The following MSL2 variants were observed in gnomAD, a reference collection of about 807,000 sequenced individuals.
MSL2 encodes the protein MSL complex subunit 2.
Under a neutral mutation model 35.8 loss-of-function variants are expected in MSL2, and 2 were observed. That is an observed-to-expected ratio of 0.06 (90% CI 0.02 to 0.18). The LOEUF is 0.18. MSL2 is among the 10% of genes least tolerant of loss of function. MSL2 has a pLI of 1.00. For synonymous variants in MSL2, 296 were observed against 255.7 expected (o/e 1.16, Z -1.50); for missense variants, 523 against 706.7 (o/e 0.74, Z 2.95).
At chr3:136,162,718 AC>A (rs1356666008) in intron 1 of MSL2, among the ~76,000 whole-genome samples, 3 of 152,234 alleles carry the variant, frequency 2.0e-5, no homozygotes, top group Non-Finnish European at 4.4e-5. Flanking sequence ...GTGTAACAAA[AC>A]CAAAATGTTA....
At chr3:136,187,095 G>C (rs1940547054) in intron 1 of MSL2, among the ~76,000 whole-genome samples, 1 of 152,132 alleles carries the variant, frequency 6.6e-6, no homozygotes, top group Non-Finnish European at 1.5e-5. Context: ...AGATACGGAG[G>C]ATTAGCTGTA....
chr3:136,163,413 CAAAG>C lies in MSL2; in HGVS notation c.143-10679_143-10676del, dbSNP rs573470968. Among the ~76,000 whole-genome samples the C allele has an allele frequency of 1.4e-3, 214 of 152,242 alleles. 3 individuals carry two copies. Among genetic ancestry groups the C allele is most frequent in the African/African-American group, 4.5e-3 (187 of 41,530 alleles). ...ACTATCCACTGAAGAGGCCTGGAAACAAAGAACCCCAGCAGCAATGAATACAGAT... is the reference window on the plus strand; with the variant it reads ...ACTATCCACTGAAGAGGCCTGGAAACAACCCCAGCAGCAATGAATACAGAT... On this transcript the variant is annotated intron_variant, in intron 1 of 1. Transcript: ENST00000309993.
At chr3:136,190,803 T>C (rs1283514520) in intron 1 of MSL2, among the ~76,000 whole-genome samples, 1 of 152,168 alleles carries the variant, frequency 6.6e-6, no homozygotes. Context: ...AAGTCCAACA[T>C]TTAGAACATG....
At chr3:136,175,609 T>C (rs1240502798) in intron 1 of MSL2, among the ~76,000 whole-genome samples, 1 of 151,816 alleles carries the variant, frequency 6.6e-6, no homozygotes, top group Non-Finnish European at 1.5e-5. Flanking sequence ...ATCATTAGAG[T>C]CCAGGAGTTC....
rs540760884 is a variant in MSL2, at chr3:136,150,987, A to G, written c.*160T>C. ...TAGGGTTACTCCTCCATTATCTGCA[A>G]ACTATTTCCCCGACACTAACACATA... On this transcript the variant is annotated 3_prime_UTR_variant, in exon 2 of 2. Coordinates refer to ENST00000309993, the MANE Select transcript of MSL2 (RefSeq NM_018133.4). The G allele has an allele frequency of 2.6e-6, 2 of 769,414 alleles. No homozygotes were observed. Among genetic ancestry groups the G allele is most frequent in the South Asian group, 3.7e-5 (2 of 54,142 alleles). 47.7% of individuals were successfully genotyped at this position (769,414 alleles called of 1,614,324 possible).
In MSL2 at chr3:136,149,733, T is replaced by C. The variant is rs1175092797; in HGVS notation, c.*1414A>G. On this transcript the variant is annotated 3_prime_UTR_variant, in exon 2 of 2. Transcript: ENST00000309993. ...GTCCAAAGGTTTCTTCTCCATGTCT[T>C]GTACTAGGCGAGTAACCATCATTGA... The C allele has an allele frequency of 6.6e-6, 1 of 152,220 alleles. No individual in the cohort carries two copies. Among genetic ancestry groups the C allele is most frequent in the African/African-American group, 2.4e-5 (1 of 41,456 alleles). 9.4% of individuals were successfully genotyped at this position (152,220 alleles called of 1,614,324 possible). A position where few individuals can be genotyped will look rare whatever the true frequency, so the allele number is the denominator to read the frequency against.
chr3:136,152,088 A>T lies in MSL2; in HGVS notation c.793T>A (p.Ser265Thr), dbSNP rs764343228. The T allele has an allele frequency of 6.2e-7, 1 of 1,614,170 alleles. No homozygotes were observed. The highest frequency in any genetic ancestry group is 2.2e-5 in the East Asian group (1 of 44,886). ...ACTTCCTCAACACTCAGTAACAGAG[A>T]GTCTCCAGGTTTTATATCTTCACTG... is the stretch of plus-strand genomic sequence containing the variant. ...SFSEDIKPGDSLLLSVEEVLR... is the reference protein window; with the variant it reads ...SFSEDIKPGDTLLLSVEEVLR... The change falls in exon 2 of 2, where the codon TCT (serine) becomes ACT (threonine). Residue 265 changes from serine (S) to threonine (T), a missense_variant. Coordinates refer to ENST00000309993, the MANE Select transcript of MSL2 (RefSeq NM_018133.4).
rs1015186529 is a variant in MSL2, at chr3:136,195,747, G to C, written c.-634C>G. 1 of 984,894 alleles carries C rather than the reference G, an allele frequency of 1.0e-6. No homozygotes were observed. The highest frequency in any genetic ancestry group is 4.7e-5 in the South Asian group (1 of 21,268). 61.0% of individuals were successfully genotyped at this position (984,894 alleles called of 1,614,324 possible). ...ATATCGGACGCGGGGCCCAGACTGC[G>C]CCCTGGCTCTCCGCCCCGTGGGTTG... is the stretch of plus-strand genomic sequence containing the variant. On this transcript the variant is annotated 5_prime_UTR_variant, in exon 1 of 2. Transcript: ENST00000309993.
At position 136,195,636 on chromosome 3, in the gene MSL2, C is replaced by G. The variant is rs1169530362; in HGVS notation, c.-523G>C. ...GGCGACGGCAAGGACGACGGTCGGGCAGCGGCTTCCCGGATCTAGTGCAAG... is the reference window on the plus strand; with the variant it reads ...GGCGACGGCAAGGACGACGGTCGGGGAGCGGCTTCCCGGATCTAGTGCAAG... On this transcript the variant is annotated 5_prime_UTR_variant, in exon 1 of 2. Transcript: ENST00000309993. 1 of 980,300 alleles carries G rather than the reference C, an allele frequency of 1.0e-6. No homozygotes were observed. Among genetic ancestry groups the G allele is most frequent in the Admixed American group, 6.2e-5 (1 of 16,260 alleles). 60.7% of individuals were successfully genotyped at this position (980,300 alleles called of 1,614,324 possible). A position where few individuals can be genotyped will look rare whatever the true frequency, so the allele number is the denominator to read the frequency against.
chr3:136,180,870 G>A (rs796708755), intron 1 of MSL2, among the ~76,000 whole-genome samples: 36 of 149,300 alleles, frequency 2.4e-4, no homozygotes, highest in African/African-American at 8.1e-4. Flanking sequence ...TTGGCCGGGC[G>A]TGGTAGCTCA....
rs1412841058 is a variant in MSL2 at position 136,155,687 on chromosome 3, G to A, written c.143-2949C>T. 6.1e-6 allele frequency: 3 copies of A among 492,356 alleles called. No homozygotes were observed. In the East Asian group the frequency reaches 1.5e-4, roughly 25 times the overall value. 30.5% of individuals were successfully genotyped at this position (492,356 alleles called of 1,614,324 possible). ...ACGAGCTAAACAAAACCTGCTGCCTGAATGGGGGGAACTTGTATGCTGGGG... is the reference window on the plus strand; with the variant it reads ...ACGAGCTAAACAAAACCTGCTGCCTAAATGGGGGGAACTTGTATGCTGGGG... On this transcript the variant is annotated intron_variant, in intron 1 of 1. Transcript: ENST00000309993.
chr3:136,170,144 C>A (rs915764977), intron 1 of MSL2, among the ~76,000 whole-genome samples: 70 of 151,334 alleles, frequency 4.6e-4, no homozygotes, highest in Non-Finnish European at 7.8e-4. Flanking sequence ...GGGTTCACGA[C>A]CAGCCTGGCC....
chr3:136,182,308 G>A (rs998438977), intron 1 of MSL2, among the ~76,000 whole-genome samples: 13 of 152,144 alleles, frequency 8.5e-5, no homozygotes, highest in Non-Finnish European at 1.2e-4. Context: ...TAAAATGTAG[G>A]TTTAGAATGT....
intron 1 of MSL2, among the ~76,000 whole-genome samples, chr3:136,174,680 A>G (rs1358500659): frequency 1.3e-5 from 2 of 152,162 alleles, no homozygotes; most frequent in Non-Finnish European, 2.9e-5. Context: ...TTCTCTACAC[A>G]CTAACTTCAA....
chr3:136,192,505 A>G (rs560463622), intron 1 of MSL2, among the ~76,000 whole-genome samples: 1 of 152,160 alleles, frequency 6.6e-6, no homozygotes, highest in Non-Finnish European at 1.5e-5. Flanking sequence ...GGAAGACTTC[A>G]CCAAGGAGGC....
chr3:136,189,168 C>G (rs1210218126), intron 1 of MSL2, among the ~76,000 whole-genome samples: 2 of 139,472 alleles, frequency 1.4e-5, no homozygotes, highest in Non-Finnish European at 3.0e-5. Context: ...AGCATGGTAC[C>G]GCACGCCTAC....
At position 136,150,499 on chromosome 3, in the gene MSL2, G is replaced by A. The variant is rs1480846200; in HGVS notation, c.*648C>T. 4 of 152,628 alleles carry A rather than the reference G, an allele frequency of 2.6e-5. No individual in the cohort carries two copies. Among genetic ancestry groups the A allele is most frequent in the African/African-American group, 4.8e-5 (2 of 41,438 alleles). The allele number at this position is 152,628 out of a possible 1,614,324, so 9.5% of individuals were successfully genotyped here. ...GATTTAGAATTTCTTCCCTAGAAAT[G>A]AGTAACAGCTAAACATTTGTAGTCT... On this transcript the variant is annotated 3_prime_UTR_variant, in exon 2 of 2. Coordinates refer to ENST00000309993, the MANE Select transcript of MSL2 (RefSeq NM_018133.4).
chr3:136,191,093 T>C (rs147051262), intron 1 of MSL2, among the ~76,000 whole-genome samples: 3 of 152,332 alleles, frequency 2.0e-5, no homozygotes, highest in African/African-American at 4.8e-5. Flanking sequence ...CCACCCACCA[T>C]TGTCTACTGT....
At chr3:136,180,309 G>C (rs997295911) in intron 1 of MSL2, among the ~76,000 whole-genome samples, 1 of 152,084 alleles carries the variant, frequency 6.6e-6, no homozygotes, top group African/African-American at 2.4e-5. Flanking sequence ...CACATTCCAA[G>C]TATGAACAGT....
Sources: gnomAD v4.1 joint callset for allele counts (sites outside exome capture counted in the v4.1 genomes callset) on GRCh38, gnomAD v4.1.1 for gene constraint, MANE v1.5 for transcripts, NCBI Gene and HGNC (gene_info 2026-07-23, HGNC 2026-07-21) for gene names.